Variants in ETV5 observed in about 807,000 individuals in gnomAD.
ETV5 encodes the protein ETS variant transcription factor 5.
A neutral mutation model predicts 70.0 loss-of-function variants in ETV5; 10 were observed. The ratio of observed to expected loss-of-function variants is 0.14; its 90% confidence interval spans 0.09 to 0.24. ETV5 has a LOEUF of 0.24. Ranked by LOEUF, ETV5 falls within the 10% of genes least tolerant of loss-of-function variation. The pLI is 1.00. For synonymous variants in ETV5, 216 were observed against 242.2 expected, an observed-to-expected ratio of 0.89 and a Z score of 1.01; for missense variants, 453 against 651.2, an observed-to-expected ratio of 0.70 and a Z score of 3.31.
chr3:186,065,327 A>G lies in ETV5; in HGVS notation c.910+486T>C, dbSNP rs141601408. 3.3e-3 allele frequency among the ~76,000 whole-genome samples: 510 copies of G among 152,330 alleles called. 4 individuals are homozygous for G. The highest frequency in any genetic ancestry group is 0.012 in the African/African-American group (482 of 41,576). On this transcript the variant is annotated intron_variant, in intron 8 of 12. Coordinates refer to ENST00000306376, the MANE Select transcript of ETV5 (RefSeq NM_004454.3). ...TTCATGCTACTCCTGAGAAAAATAC[A>G]TCAAAGCTTTCCAGAGGAATGCTGA...
chr3:186,048,541 C>A lies in ETV5; in HGVS notation c.*98G>T. 8.8e-7 allele frequency: 1 copy of A among 1,142,194 alleles called. No individual in the cohort carries two copies. Among genetic ancestry groups the A allele is most frequent in the Non-Finnish European group, 1.3e-6 (1 of 772,386 alleles). The allele number at this position is 1,142,194 out of a possible 1,614,324, so 70.8% of individuals were successfully genotyped here. A position where few individuals can be genotyped will look rare whatever the true frequency, so the allele number is the denominator to read the frequency against. On this transcript the variant is annotated 3_prime_UTR_variant, in exon 13 of 13. Transcript: ENST00000306376. ...CTCCAGATAATACTCAAAGGGCAAG[C>A]TTTAGGAACAACCAAAAACACAAAC... is the stretch of plus-strand genomic sequence containing the variant.
At chr3:186,063,200 G>A (rs1016653266) in intron 9 of ETV5, among the ~76,000 whole-genome samples, 1 of 152,142 alleles carries the variant, frequency 6.6e-6, no homozygotes. Context: ...AACCTGGGAG[G>A]CAGAGCTTGC....
chr3:186,067,946 G>GA (rs908890450), intron 7 of ETV5, among the ~76,000 whole-genome samples: 5 of 152,010 alleles, frequency 3.3e-5, no homozygotes, highest in Non-Finnish European at 5.9e-5. Context: ...ATCTCAAGAG[G>GA]AAAAAAATGG....
intron 5 of ETV5, chr3:186,084,155 A>G (rs1713997520): frequency 9.2e-6 from 4 of 433,538 alleles, no homozygotes; most frequent in Non-Finnish European, 1.8e-5. Context: ...TGTGCTTTCA[A>G]AAATAGTATT....
intron 5 of ETV5, among the ~76,000 whole-genome samples, chr3:186,089,094 T>C (rs1714122952): frequency 6.6e-6 from 1 of 152,210 alleles, no homozygotes; most frequent in Non-Finnish European, 1.5e-5. Flanking sequence ...GATAATACTC[T>C]GTTCTGGGAA....
At chr3:186,058,470 T>C (rs4610261) in intron 9 of ETV5, among the ~76,000 whole-genome samples, 11,109 of 152,230 alleles carry the variant, frequency 0.073, 1,001 homozygotes, top group East Asian at 0.47. Context: ...GTTTTCCTGT[T>C]AGTTCACCTG....
chr3:186,086,107 C>CTA (rs1714053298), intron 5 of ETV5, among the ~76,000 whole-genome samples: 1 of 152,178 alleles, frequency 6.6e-6, no homozygotes, highest in African/African-American at 2.4e-5. Flanking sequence ...CCCTATTTGA[C>CTA]TATAAGAACT....
At chr3:186,063,847 T>C (rs772435073) in intron 9 of ETV5, among the ~76,000 whole-genome samples, 1 of 152,004 alleles carries the variant, frequency 6.6e-6, no homozygotes, top group Non-Finnish European at 1.5e-5. Context: ...ATGTTAAAAA[T>C]GGCAACCATT....
intron 5 of ETV5, among the ~76,000 whole-genome samples, chr3:186,083,008 G>A (rs946975129): frequency 6.6e-6 from 1 of 152,220 alleles, no homozygotes; most frequent in Non-Finnish European, 1.5e-5. Context: ...AGTCATTAGA[G>A]TTTCTCTCGT....
At chr3:186,084,579 A>T (rs974704896) in intron 5 of ETV5, among the ~76,000 whole-genome samples, 6 of 152,190 alleles carry the variant, frequency 3.9e-5, no homozygotes, top group Non-Finnish European at 7.3e-5. Context: ...GGCCCGCATA[A>T]CTTAGTGAGG....
chr3:186,081,776 C>T (rs1713939767), intron 5 of ETV5, among the ~76,000 whole-genome samples: 1 of 152,192 alleles, frequency 6.6e-6, no homozygotes. Context: ...CAGACCAATC[C>T]ACCACCTAGG....
chr3:186,085,436 C>T (rs999462065), intron 5 of ETV5, among the ~76,000 whole-genome samples: 1 of 151,500 alleles, frequency 6.6e-6, no homozygotes, highest in Non-Finnish European at 1.5e-5. Context: ...TCTGGGATAC[C>T]AAAATTAACC....
chr3:186,064,412 C>T lies in ETV5; in HGVS notation c.970+5G>A, dbSNP rs531166919. Reference sequence around the variant, plus strand: ...GAGAAGAGGAAAGAAAAGCAGGTTCCTTACCTTCATGGCTGCTGGAGAAAT... The same window carrying T: ...GAGAAGAGGAAAGAAAAGCAGGTTCTTTACCTTCATGGCTGCTGGAGAAAT... On this transcript the variant is annotated splice_donor_5th_base_variant and intron_variant, in intron 9 of 12. Coordinates refer to ENST00000306376, the MANE Select transcript of ETV5 (RefSeq NM_004454.3). The T allele has an allele frequency of 5.6e-6, 9 of 1,614,026 alleles. No homozygotes were observed. The highest frequency in any genetic ancestry group is 4.0e-5 in the African/African-American group (3 of 75,030).
chr3:186,082,614 T>G (rs569444120), intron 5 of ETV5, among the ~76,000 whole-genome samples: 1 of 152,246 alleles, frequency 6.6e-6, no homozygotes, highest in South Asian at 2.1e-4. Flanking sequence ...AAAGACAGGG[T>G]TTCACCATGT....
In ETV5 at chr3:186,079,844, G is replaced by A. The variant is rs1311014457; in HGVS notation, c.623C>T (p.Pro208Leu). 5.0e-6 allele frequency: 8 copies of A among 1,609,430 alleles called. No individual in the cohort carries two copies. Among genetic ancestry groups the A allele is most frequent in the Non-Finnish European group, 6.8e-6 (8 of 1,178,096 alleles). ...CTGTTCTGATGGATACTGGTTTTCAGGCATCATCTTTGGCATCTGCAGGGG... is the reference window on the plus strand; with the variant it reads ...CTGTTCTGATGGATACTGGTTTTCAAGCATCATCTTTGGCATCTGCAGGGG... ...HQPLQMPKMM[P>L]ENQYPSEQRF... Residue 208 changes from proline to leucine, a missense_variant, in exon 7 of 13, where the codon CCT becomes CTT. Pro to Leu is a moderately conservative substitution (Grantham distance 98, BLOSUM62 -3). This residue lies in a region of ETV5 where 307 missense variants were observed against 344.9 expected (regional missense o/e 0.89). Transcript: ENST00000306376.
Position 186,047,441 on chromosome 3 carries a change from C to T in ETV5, c.*1198G>A. On this transcript the variant is annotated 3_prime_UTR_variant, in exon 13 of 13. Transcript: ENST00000306376. The stretch of plus-strand genomic sequence containing the variant: ...AAATGGAAATTGTCATCAGTCATGC[C>T]CAGGGAAGAATCCCAAGGGTTTTCA... The T allele has an allele frequency of 4.3e-6, 1 of 231,998 alleles. No individual in the cohort carries two copies. The allele number at this position is 231,998 out of a possible 1,614,324, so 14.4% of individuals were successfully genotyped here.
intron 9 of ETV5, 59 bp downstream of exon 9, chr3:186,064,354 GAGAA>G (rs1200560650): frequency 6.7e-7 from 1 of 1,490,152 alleles, no homozygotes; most frequent in Non-Finnish European, 9.4e-7. Context: ...GAAAAGCCGA[GAGAA>G]AGAAAGGAAG....
chr3:186,072,078 G>A (rs1713654280), intron 7 of ETV5, among the ~76,000 whole-genome samples: 1 of 144,786 alleles, frequency 6.9e-6, no homozygotes, highest in Admixed American at 6.8e-5. Context: ...AGGATTACAG[G>A]CGTCAGCCTG....
At chr3:186,103,594 T>C (rs1214741028) in intron 5 of ETV5, among the ~76,000 whole-genome samples, 1 of 149,846 alleles carries the variant, frequency 6.7e-6, no homozygotes, top group Non-Finnish European at 1.5e-5. Flanking sequence ...CAAAGTTGGA[T>C]TACAAACCCT....
Sources: gnomAD v4.1 joint callset for allele counts (sites outside exome capture counted in the v4.1 genomes callset) on GRCh38, gnomAD v4.1.1 for gene constraint, gnomAD v4.1.1 regional missense constraint, MANE v1.5 for transcripts, NCBI Gene and HGNC (gene_info 2026-07-23, HGNC 2026-07-21) for gene names.